TBC1D9: variants seen among roughly 807,000 people sequenced by gnomAD.
The protein encoded by TBC1D9 is TBC1 domain family member 9.
A neutral mutation model predicts 132.0 loss-of-function variants in TBC1D9; 63 were observed. The ratio of observed to expected loss-of-function variants is 0.48; its 90% CI spans 0.39 to 0.59. The LOEUF is 0.59. Ranked by LOEUF, TBC1D9 falls within the 20% of genes least tolerant of loss-of-function variation. The probability of loss-of-function intolerance (pLI) is 0.00; values close to 1 mark genes in which losing one functional copy is unlikely to be tolerated. For missense variants in TBC1D9, 1,261 were observed against 1,592.7 expected (o/e 0.79, Z 3.54); for synonymous variants, 610 against 609.9 (o/e 1.00, Z 0.00).
intron 16 of TBC1D9, 138 bp from the exon 17 acceptor site, chr4:140,628,503 T>G: frequency 1.3e-6 from 1 of 747,064 alleles, no homozygotes; most frequent in East Asian, 2.7e-5. Flanking sequence ...CAGGACCTGT[T>G]TGGGTTAACA....
At chr4:140,646,784 C>T (rs1737109109) in intron 13 of TBC1D9, among the ~76,000 whole-genome samples, 1 of 152,180 alleles carries the variant, frequency 6.6e-6, no homozygotes, top group African/African-American at 2.4e-5. Flanking sequence ...TGGGTCTCAA[C>T]CTTACAAAAG....
At chr4:140,690,870 A>G (rs1261526320) in intron 2 of TBC1D9, among the ~76,000 whole-genome samples, 1 of 152,190 alleles carries the variant, frequency 6.6e-6, no homozygotes, top group Non-Finnish European at 1.5e-5. Context: ...ACCCATTATC[A>G]TCATATGCTA....
rs1394853429 is a variant in TBC1D9 at position 140,622,104 on chromosome 4, T to C, written c.*91A>G. ...AAGCCAGGTACTAATAAATATTTAA[T>C]TTAAAAGAAAGAAAGAAAAAACTCA... is the stretch of plus-strand genomic sequence containing the variant. On this transcript the variant is annotated 3_prime_UTR_variant, in exon 21 of 21. Coordinates refer to ENST00000442267, the MANE Select transcript of TBC1D9 (RefSeq NM_015130.3). 9 of 1,466,172 alleles carry C rather than the reference T, an allele frequency of 6.1e-6. No homozygotes were observed. Among genetic ancestry groups the C allele is most frequent in the South Asian group, 1.5e-5 (1 of 66,652 alleles). The allele number at this position is 1,466,172 out of a possible 1,614,324, so 90.8% of individuals were successfully genotyped here.
At chr4:140,645,137 G>A (rs1737084141) in intron 13 of TBC1D9, 3 of 563,704 alleles carry the variant, frequency 5.3e-6, no homozygotes, top group Non-Finnish European at 1.0e-5. Flanking sequence ...TAGGGTGCAC[G>A]TGGGCCAGGT....
chr4:140,701,511 G>A lies in TBC1D9; in HGVS notation c.234C>T (p.Ile78=), dbSNP rs141790519. The change falls in exon 2 of 21, where the codon ATC becomes ATT. Residue 78 remains isoleucine (I), a synonymous_variant. Coordinates refer to ENST00000442267, the MANE Select transcript of TBC1D9 (RefSeq NM_015130.3). ...CTGGATGTGGTTGCTTACCACAGGC[G>A]ATGGTCCAGTAGACCAGGGAGTCTG... ...QTPDSLVYWT[I]ACGGSRKEIT... 2,106 of 1,613,074 alleles carry A rather than the reference G, an allele frequency of 1.3e-3. 23 individuals are homozygous for A. The African/African-American group carries it at 0.025, about 19-fold the overall frequency.
intron 18 of TBC1D9, among the ~76,000 whole-genome samples, chr4:140,625,391 C>G (rs4956463): frequency 0.23 from 35,042 of 152,016 alleles, 5,460 homozygotes; most frequent in African/African-American, 0.45. Context: ...CGAGACATTA[C>G]AGGGCACATA....
intron 1 of TBC1D9, among the ~76,000 whole-genome samples, chr4:140,731,855 CTT>C (rs1001979826): frequency 6.6e-6 from 1 of 152,152 alleles, no homozygotes; most frequent in Non-Finnish European, 1.5e-5. Context: ...TAAAACCTCT[CTT>C]CTTTCCACCA....
intron 15 of TBC1D9, among the ~76,000 whole-genome samples, chr4:140,638,825 G>A (rs531525479): frequency 1.3e-5 from 2 of 152,228 alleles, no homozygotes; most frequent in African/African-American, 4.8e-5. Flanking sequence ...TTTTTAATAA[G>A]TATTATGAAG....
intron 1 of TBC1D9, among the ~76,000 whole-genome samples, chr4:140,750,997 C>A (rs1738916002): frequency 6.6e-6 from 1 of 152,024 alleles, no homozygotes; most frequent in Non-Finnish European, 1.5e-5. Flanking sequence ...TCAATATTTT[C>A]AACTTACTGA....
chr4:140,734,788 C>G (rs1260816587), intron 1 of TBC1D9, among the ~76,000 whole-genome samples: 1 of 152,032 alleles, frequency 6.6e-6, no homozygotes, highest in African/African-American at 2.4e-5. Context: ...AGAGCAAGAC[C>G]CTGTCTCTAA....
At chr4:140,739,508 T>C (rs910976755) in intron 1 of TBC1D9, among the ~76,000 whole-genome samples, 2 of 152,176 alleles carry the variant, frequency 1.3e-5, no homozygotes, top group African/African-American at 4.8e-5. Context: ...AGTTTCCTCA[T>C]ATATAAAGGG....
chr4:140,632,301 A>G (rs1319042052), intron 16 of TBC1D9, among the ~76,000 whole-genome samples: 1 of 149,756 alleles, frequency 6.7e-6, no homozygotes, highest in African/African-American at 2.5e-5. Flanking sequence ...GGATACCTAT[A>G]TGACAAGCAG....
intron 13 of TBC1D9, chr4:140,641,892 C>G (rs1303029140): frequency 2.6e-6 from 1 of 384,288 alleles, no homozygotes; most frequent in Non-Finnish European, 4.8e-6. Context: ...GCTTCCTTCT[C>G]GCTCACTCGC....
At chr4:140,731,763 C>A (rs748141453) in intron 1 of TBC1D9, among the ~76,000 whole-genome samples, 4 of 152,046 alleles carry the variant, frequency 2.6e-5, no homozygotes, top group Non-Finnish European at 4.4e-5. Context: ...TCCTGAGGAG[C>A]AGATACAATT....
intron 15 of TBC1D9, 61 bp from the exon 16 acceptor site, chr4:140,634,249 G>A (rs1469702113): frequency 1.3e-5 from 20 of 1,577,634 alleles, no homozygotes; most frequent in African/African-American, 2.7e-5. Flanking sequence ...GAAAGAAAAC[G>A]CCCATCCTCC....
At chr4:140,645,161 ACT>A in intron 13 of TBC1D9, 1 of 556,132 alleles carries the variant, frequency 1.8e-6, no homozygotes, top group South Asian at 1.5e-5. Flanking sequence ...CCAGCTCATT[ACT>A]CTCTCTGAGC....
intron 6 of TBC1D9, among the ~76,000 whole-genome samples, chr4:140,671,674 C>CTGTGTGTGTGTGTGTG (rs34072180): frequency 0.013 from 1,848 of 141,774 alleles, 65 homozygotes; most frequent in African/African-American, 0.048. Flanking sequence ...AACTACCAGA[C>CTGTGTGTGTGTGTGTG]TGTGTGTGTG....
In TBC1D9 at chr4:140,639,402, C is replaced by G. The variant is rs1200494557; in HGVS notation, c.2364G>C (p.Leu788Phe). 6.2e-7 allele frequency: 1 copy of G among 1,612,340 alleles called. No homozygotes were observed. The highest frequency in any genetic ancestry group is 1.7e-5 in the Admixed American group (1 of 59,826). ...TCTGTTTGAATCTCATCTGTTCAAT[C>G]AAATCTGCCCGGATAGTTCCGAATT... ...YEKFGTIRADLIEQMRFKQRL... is the reference protein window; with the variant it reads ...YEKFGTIRADFIEQMRFKQRL... The change falls in exon 14 of 21, where the codon TTG becomes TTC. Residue 788 changes from leucine (L) to phenylalanine (F), a missense_variant. Around this residue, in one of 3 missense-constraint regions of TBC1D9, gnomAD observed 618 missense variants for 724.4 expected, o/e 0.85. Coordinates refer to ENST00000442267, the MANE Select transcript of TBC1D9 (RefSeq NM_015130.3).
chr4:140,700,078 C>G (rs1403382189), intron 2 of TBC1D9, among the ~76,000 whole-genome samples: 1 of 151,960 alleles, frequency 6.6e-6, no homozygotes, highest in Non-Finnish European at 1.5e-5. Flanking sequence ...AGGAGGCTCA[C>G]CTGAGCCCAG....
Sources: gnomAD v4.1 joint callset for allele counts (sites outside exome capture counted in the v4.1 genomes callset) on GRCh38, gnomAD v4.1.1 for gene constraint, gnomAD v4.1.1 regional missense constraint, MANE v1.5 for transcripts, NCBI Gene and HGNC (gene_info 2026-07-23, HGNC 2026-07-21) for gene names.